Variants in RBM22 observed in about 807,000 individuals in gnomAD.
RBM22 encodes the protein RNA binding motif protein 22.
In RBM22, 1 loss-of-function variant was observed where a neutral mutation model predicts 50.1. The observed-to-expected ratio is 0.02, with a 90% confidence interval of 0.01 to 0.09. RBM22 has a LOEUF of 0.09. RBM22 is among the 10% of genes least tolerant of loss of function. The probability of loss-of-function intolerance (pLI) is 1.00; values close to 1 mark genes in which losing one functional copy is unlikely to be tolerated. For synonymous variants in RBM22, 152 were observed against 179.0 expected (o/e 0.85, Z 1.20); for missense variants, 264 against 529.3 (o/e 0.50, Z 4.92).
chr5:150,695,490 A>G lies in RBM22; in HGVS notation c.746+16T>C. 1.9e-6 allele frequency: 3 copies of G among 1,596,826 alleles called. No individual in the cohort carries two copies. The highest frequency in any genetic ancestry group is 1.3e-5 in the African/African-American group (1 of 74,624). On this transcript the variant is annotated intron_variant, in intron 7 of 10. Coordinates refer to ENST00000199814, the MANE Select transcript of RBM22 (RefSeq NM_018047.3). ...AGTTAAAGGCAAAAATAACTCTCTA[A>G]CTTATACCCACAAACCTTAAATCTG...
chr5:150,699,350 A>G, intron 2 of RBM22, 79 bp from the exon 3 acceptor site: 1 of 1,474,444 alleles, frequency 6.8e-7, no homozygotes, highest in South Asian at 1.3e-5. Flanking sequence ...CTTAAACATA[A>G]CCCAAGAAAT....
At chr5:150,700,180 C>G (rs1759326842) in intron 2 of RBM22, among the ~76,000 whole-genome samples, 1 of 152,162 alleles carries the variant, frequency 6.6e-6, no homozygotes, top group South Asian at 2.1e-4. Context: ...TGAAAAGACA[C>G]AAACGCTCTC....
chr5:150,700,838 ATTCC>A (rs767806561), intron 1 of RBM22, 90 bp downstream of exon 1: 1 of 1,611,532 alleles, frequency 6.2e-7, no homozygotes, highest in Non-Finnish European at 8.5e-7. Context: ...CCTCCCCGGT[ATTCC>A]TTCGGCCGCG....
Position 150,696,674 on chromosome 5 carries a change from C to A in RBM22, c.404G>T (p.Gly135Val), listed in dbSNP as rs1804919. 6.2e-7 allele frequency: 1 copy of A among 1,614,132 alleles called. No individual in the cohort carries two copies. The highest frequency in any genetic ancestry group is 8.5e-7 in the Non-Finnish European group (1 of 1,180,030). ...ISNSDGTRPV[G>V]MLGKATSTSD... ...GGTAGATGTGGCTTTCCCCAGCATG[C>A]CAACTGGCCGTGTTCCATCAGAGTT... is the stretch of plus-strand genomic sequence containing the variant. The change falls in exon 6 of 11, where the codon GGC (glycine) becomes GTC (valine). Residue 135 changes from glycine (G) to valine (V), a missense_variant. Transcript: ENST00000199814. The surrounding 1 kb of genome is among the most constrained non-coding windows in gnomAD (Gnocchi z 4.3).
intron 7 of RBM22, 34 bp from the exon 8 acceptor site, chr5:150,694,274 G>C (rs769337121): frequency 1.9e-5 from 30 of 1,595,968 alleles, no homozygotes; most frequent in Middle Eastern, 1.7e-4. Context: ...AATGAAAGTG[G>C]GAGTTAAAAA....
At chr5:150,697,714 AT>A (rs1464134794) in intron 4 of RBM22, 1 of 358,188 alleles carries the variant, frequency 2.8e-6, no homozygotes, top group Non-Finnish European at 5.4e-6. Flanking sequence ...CTTAACATAC[AT>A]AAACTCATAT....
In RBM22 at chr5:150,700,917, G is replaced by C. The variant is rs752184106; in HGVS notation, c.54+15C>G. 3 of 1,614,178 alleles carry C rather than the reference G, an allele frequency of 1.9e-6. No homozygotes were observed. Among genetic ancestry groups the C allele is most frequent in the Non-Finnish European group, 2.5e-6 (3 of 1,180,034 alleles). ...TCGCCTCCTCCTTCCATCCTCCTCC[G>C]GCAGGCACACTCACCGCATCCTCCC... On this transcript the variant is annotated intron_variant, in intron 1 of 10. Transcript: ENST00000199814.
Position 150,691,831 on chromosome 5 carries a change from G to A in RBM22, c.1183C>T (p.Arg395Trp). 1.9e-6 allele frequency: 3 copies of A among 1,600,096 alleles called. No individual in the cohort carries two copies. Among genetic ancestry groups the A allele is most frequent in the Admixed American group, 1.7e-5 (1 of 58,136 alleles). ...GGATAGTGGATTGGTCCTGGAGCCC[G>A]CATGAAAGGAGGGGGTGGTCCCATT... ...HPMGPPPPFM[R>W]APGPIHYPSQ... The change falls in exon 11 of 11, where the codon CGG (arginine) becomes TGG (tryptophan). Residue 395 changes from arginine (R) to tryptophan (W), a missense_variant. This residue lies in a region of RBM22 where 106 missense variants were observed against 137.1 expected (regional missense o/e 0.77). Transcript: ENST00000199814.
chr5:150,698,360 T>C (rs2151457543), intron 4 of RBM22, 139 bp downstream of exon 4: 1 of 1,154,902 alleles, frequency 8.7e-7, no homozygotes, highest in Non-Finnish European at 1.2e-6. Context: ...ATGGTTCTTT[T>C]CCTGGGAAAA....
chr5:150,701,056 CG>C lies in RBM22; in HGVS notation c.-72del. ...GGACCGCCACAATCCCGTCAAGCCC[CG>C]AGGCTAGCGCCGCGCCGGTCGGCGT... is the stretch of plus-strand genomic sequence containing the variant. On this transcript the variant is annotated 5_prime_UTR_variant, in exon 1 of 11. Transcript: ENST00000199814. 1 of 1,600,922 alleles carries C rather than the reference CG, an allele frequency of 6.2e-7. No homozygotes were observed. Among genetic ancestry groups the C allele is most frequent in the Non-Finnish European group, 8.6e-7 (1 of 1,168,594 alleles).
intron 2 of RBM22, 114 bp from the exon 3 acceptor site, chr5:150,699,385 A>G (rs1759315864): frequency 1.4e-6 from 2 of 1,382,264 alleles, no homozygotes; most frequent in Non-Finnish European, 1.9e-6. Flanking sequence ...CTGGCATCCT[A>G]GAGAGAGAAA....
chr5:150,700,680 A>G, intron 1 of RBM22, 183 bp from the exon 2 acceptor site: 2 of 1,526,590 alleles, frequency 1.3e-6, no homozygotes, highest in Non-Finnish European at 1.8e-6. Context: ...GCGGCGGGAG[A>G]AAAGAAAACC....
intron 1 of RBM22, 162 bp downstream of exon 1, chr5:150,700,770 C>T (rs1759337646): frequency 6.4e-7 from 1 of 1,551,888 alleles, no homozygotes; most frequent in African/African-American, 1.4e-5. Flanking sequence ...CCTTCAAGCC[C>T]GCAGGAGGAT....
intron 7 of RBM22, 171 bp from the exon 8 acceptor site, chr5:150,694,411 G>A: frequency 9.6e-7 from 1 of 1,045,810 alleles, no homozygotes; most frequent in Non-Finnish European, 1.3e-6. Context: ...TGTGGGTGCT[G>A]CTGATTGAGA....
chr5:150,695,787 A>G lies in RBM22; in HGVS notation c.546-81T>C, dbSNP rs948350020. On this transcript the variant is annotated intron_variant, in intron 6 of 10. Coordinates refer to ENST00000199814, the MANE Select transcript of RBM22 (RefSeq NM_018047.3). Reference sequence around the variant, plus strand: ...TATCTTCCAAGAGTAGCTACATATTAAAGTCCTAGATACATATTCTGAAGT... The same window carrying G: ...TATCTTCCAAGAGTAGCTACATATTGAAGTCCTAGATACATATTCTGAAGT... 5 of 1,178,750 alleles carry G rather than the reference A, an allele frequency of 4.2e-6. No homozygotes were observed. In the African/African-American group the frequency reaches 6.1e-5, roughly 14 times the overall value. 73.0% of individuals were successfully genotyped at this position (1,178,750 alleles called of 1,614,324 possible).
intron 1 of RBM22, 108 bp from the exon 2 acceptor site, chr5:150,700,605 C>A: frequency 6.4e-7 from 1 of 1,568,874 alleles, no homozygotes; most frequent in Non-Finnish European, 8.6e-7. Flanking sequence ...GAACTAGGCA[C>A]GGCAGGAACC....
In RBM22 at chr5:150,696,988, T is replaced by C. The variant is rs955005313; in HGVS notation, c.272-97A>G. On this transcript the variant is annotated intron_variant, in intron 4 of 10. Transcript: ENST00000199814. This position sits in a 1 kb window ranked among gnomAD's most constrained non-coding sequence, Gnocchi z 4.3. ...ATACATCATCTTTCCCTTCTCCTCT[T>C]TCCTATTTAGTACCAGAGACTTTAC... The C allele has an allele frequency of 1.0e-5, 12 of 1,184,432 alleles. No individual in the cohort carries two copies. The African/African-American group carries it at 1.7e-4, about 16-fold the overall frequency. The allele number at this position is 1,184,432 out of a possible 1,614,324, so 73.4% of individuals were successfully genotyped here. A position where few individuals can be genotyped will look rare whatever the true frequency, so the allele number is the denominator to read the frequency against.
chr5:150,699,287 A>T lies in RBM22; in HGVS notation c.109-16T>A, dbSNP rs773994541. 1 of 1,561,654 alleles carries T rather than the reference A, an allele frequency of 6.4e-7. No individual in the cohort carries two copies. The highest frequency in any genetic ancestry group is 1.7e-4 in the Middle Eastern group (1 of 5,906). On this transcript the variant is annotated splice_polypyrimidine_tract_variant and intron_variant, in intron 2 of 10. Coordinates refer to ENST00000199814, the MANE Select transcript of RBM22 (RefSeq NM_018047.3). ...TTTCTTTGGTCTATAATAGAAAAAA[A>T]ATAGAAAAGAACTGGAGTTACAGAA...
Position 150,691,558 on chromosome 5 carries a change from G to T in RBM22, c.*193C>A. The T allele has an allele frequency of 1.7e-6, 1 of 592,302 alleles. No individual in the cohort carries two copies. The highest frequency in any genetic ancestry group is 2.6e-6 in the Non-Finnish European group (1 of 386,056). 36.7% of individuals were successfully genotyped at this position (592,302 alleles called of 1,614,324 possible). A position where few individuals can be genotyped will look rare whatever the true frequency, so the allele number is the denominator to read the frequency against. On this transcript the variant is annotated 3_prime_UTR_variant, in exon 11 of 11. Transcript: ENST00000199814. ...ACAGCAGTAACCAGATGTGTTAATG[G>T]CAGCTTATTTACGGTCCATCGATCC...
Sources: gnomAD v4.1 joint callset for allele counts (sites outside exome capture counted in the v4.1 genomes callset) on GRCh38, gnomAD v4.1.1 for gene constraint, gnomAD v4.1.1 regional missense constraint, Gnocchi (gnomAD v3.1) non-coding constraint, MANE v1.5 for transcripts, NCBI Gene and HGNC (gene_info 2026-07-23, HGNC 2026-07-21) for gene names.